Variants in RER1 observed in about 807,000 individuals in gnomAD.
The protein encoded by RER1 is retention in endoplasmic reticulum sorting receptor 1.
In RER1, 6 loss-of-function variants were observed where a neutral mutation model predicts 28.3. The ratio of observed to expected loss-of-function variants is 0.21; its 90% CI spans 0.12 to 0.42. The LOEUF is 0.42. Among genes scored for constraint, RER1 ranks in the 10% least tolerant of loss-of-function variants. The probability of loss-of-function intolerance (pLI) is 1.00; values close to 1 mark genes in which losing one functional copy is unlikely to be tolerated. For synonymous variants in RER1, 110 were observed against 95.9 expected (o/e 1.15, Z -0.86); for missense variants, 159 against 252.9 (o/e 0.63, Z 2.52).
At position 2,402,194 on chromosome 1, in the gene RER1, TC is replaced by T. The variant is rs773255297; in HGVS notation, c.366-9del. 6.8e-6 allele frequency: 11 copies of T among 1,613,964 alleles called. No individual in the cohort carries two copies. The highest frequency in any genetic ancestry group is 9.3e-6 in the Non-Finnish European group (11 of 1,180,026). On this transcript the variant is annotated splice_polypyrimidine_tract_variant and intron_variant, in intron 5 of 6. Coordinates refer to ENST00000605895, the MANE Select transcript of RER1 (RefSeq NM_007033.5). ...CTGCAGATGCGGCGCTAACCTTCTC[TC>T]CCCACTTGAAGGCATGCGGCTACCA... is the stretch of plus-strand genomic sequence containing the variant.
Position 2,391,900 on chromosome 1 carries a change from C to T in RER1, c.-66C>T, listed in dbSNP as rs1370467891. On this transcript the variant is annotated 5_prime_UTR_variant, in exon 1 of 7. Transcript: ENST00000605895. ...AGCGCCTGCGGCCGCCCGTGCCCCGCCGTCCTCCTTCCCGCGGCCGTGAGG... is the reference window on the plus strand; with the variant it reads ...AGCGCCTGCGGCCGCCCGTGCCCCGTCGTCCTCCTTCCCGCGGCCGTGAGG... 1 of 224,158 alleles carries T rather than the reference C, an allele frequency of 4.5e-6. No homozygotes were observed. The highest frequency in any genetic ancestry group is 1.8e-4 in the South Asian group (1 of 5,496). The allele number at this position is 224,158 out of a possible 1,614,324, so 13.9% of individuals were successfully genotyped here.
chr1:2,399,727 A>C (rs1052970821), intron 4 of RER1, among the ~76,000 whole-genome samples: 3 of 152,216 alleles, frequency 2.0e-5, no homozygotes, highest in African/African-American at 7.2e-5. Context: ...CCCACTTTGC[A>C]GATGAGGAAA....
At chr1:2,400,481 C>A (rs1312709285) in intron 4 of RER1, among the ~76,000 whole-genome samples, 1 of 152,214 alleles carries the variant, frequency 6.6e-6, no homozygotes, top group South Asian at 2.1e-4. Flanking sequence ...GGCCTGGCGC[C>A]CGGGTTCCAC....
At chr1:2,399,637 T>C (rs1235889495) in intron 4 of RER1, 123 bp downstream of exon 4, 2 of 672,718 alleles carry the variant, frequency 3.0e-6, no homozygotes, top group Non-Finnish European at 5.4e-6. Context: ...GTACTTGTAA[T>C]GTTGGGTGAT....
At chr1:2,401,555 C>T (rs555600250) in intron 5 of RER1, among the ~76,000 whole-genome samples, 140 of 150,990 alleles carry the variant, frequency 9.3e-4, no homozygotes, top group African/African-American at 3.3e-3. Context: ...GTGGTGCAGC[C>T]GTCAGAGGGA....
chr1:2,401,291 TC>T (rs1398179930), intron 5 of RER1, among the ~76,000 whole-genome samples: 4 of 68,964 alleles, frequency 5.8e-5, no homozygotes, highest in Non-Finnish European at 2.8e-5. Context: ...TCCTCCTTCC[TC>T]CCTCCTTCCT....
rs765859322 is a variant in RER1 at position 2,399,429 on chromosome 1, G to A, written c.201G>A (p.Val67=). 1 of 1,609,524 alleles carries A rather than the reference G, an allele frequency of 6.2e-7. No homozygotes were observed. Among genetic ancestry groups the A allele is most frequent in the South Asian group, 1.1e-5 (1 of 90,968 alleles). Reference sequence around the variant, plus strand: ...TTCTCTTTCAGGGTTGGTACATTGTGACCTATGCCTTGGGGATCTACCATC... The same window carrying A: ...TTCTCTTTCAGGGTTGGTACATTGTAACCTATGCCTTGGGGATCTACCATC... The part of the protein sequence containing the change: ...RVYLLQGWYI[V]TYALGIYHLN... The change falls in exon 4 of 7, where the codon GTG becomes GTA. Residue 67 remains valine, a synonymous_variant. Coordinates refer to ENST00000605895, the MANE Select transcript of RER1 (RefSeq NM_007033.5).
intron 1 of RER1, chr1:2,394,939 C>T (rs908231687): frequency 4.6e-5 from 7 of 152,222 alleles, no homozygotes; most frequent in African/African-American, 9.7e-5. Context: ...CAGGTCCTGA[C>T]GCCGTCTCCT....
intron 1 of RER1, among the ~76,000 whole-genome samples, chr1:2,393,474 G>C (rs962562138): frequency 6.6e-6 from 1 of 152,202 alleles, no homozygotes; most frequent in Non-Finnish European, 1.5e-5. Context: ...ACTGAGCAGA[G>C]AAGAGGACTG....
chr1:2,397,167 G>C lies in RER1; in HGVS notation c.133G>C (p.Val45Leu). ...KSTPYTAVRW[V>L]VTLGLSFVYM... Reference sequence around the variant, plus strand: ...CACACCCTACACGGCTGTGCGATGGGTCGTGACACTGGGCCTGAGCTTTGT... The same window carrying C: ...CACACCCTACACGGCTGTGCGATGGCTCGTGACACTGGGCCTGAGCTTTGT... The change falls in exon 3 of 7, where the codon GTC becomes CTC. Residue 45 changes from valine (V) to leucine (L), a missense_variant. Physicochemically the swap from Val to Leu is conservative, Grantham distance 32 (BLOSUM62 1). Transcript: ENST00000605895. 1 of 1,614,098 alleles carries C rather than the reference G, an allele frequency of 6.2e-7. No homozygotes were observed. Among genetic ancestry groups the C allele is most frequent in the Non-Finnish European group, 8.5e-7 (1 of 1,179,974 alleles).
chr1:2,402,497 T>C (rs1642881200), intron 6 of RER1, among the ~76,000 whole-genome samples, 155 bp downstream of exon 6: 1 of 45,720 alleles, frequency 2.2e-5, no homozygotes, highest in South Asian at 6.8e-4. Flanking sequence ...ACGAGGACAC[T>C]GCTCCGTTCC....
At chr1:2,402,484 G>C in intron 6 of RER1, 142 bp downstream of exon 6, 1 of 1,108,774 alleles carries the variant, frequency 9.0e-7, no homozygotes. Flanking sequence ...CGTCTTGTGT[G>C]TGACGAGGAC....
At chr1:2,395,993 A>G (rs1162663404) in intron 2 of RER1, 122 bp downstream of exon 2, 8 of 776,006 alleles carry the variant, frequency 1.0e-5, no homozygotes, top group African/African-American at 5.1e-5. Context: ...CTCAGGCTCA[A>G]ACTTCCTGAA....
rs180808809 is a variant in RER1, at chr1:2,392,510, T to A, written c.-8+552T>A. ...AAAATCATAAATTCTCCAGGCTGAC[T>A]TAGTACTGGTCTGTGGCCCCACTGA... On this transcript the variant is annotated intron_variant, in intron 1 of 6. Coordinates refer to ENST00000605895, the MANE Select transcript of RER1 (RefSeq NM_007033.5). Among the ~76,000 whole-genome samples, 9 of 152,356 alleles carry A rather than the reference T, an allele frequency of 5.9e-5. No individual in the cohort carries two copies. The East Asian group carries it at 1.5e-3, about 26-fold the overall frequency.
In RER1 at chr1:2,397,004, T is replaced by A. The variant is rs186265676; in HGVS notation, c.82-112T>A. On this transcript the variant is annotated intron_variant, in intron 2 of 6. Transcript: ENST00000605895. ...ATCTCTTGCTATTTTAACTCACTCT[T>A]TTAGCTGTTTTAAAAATTGAAAGCC... is the stretch of plus-strand genomic sequence containing the variant. 32 of 638,226 alleles carry A rather than the reference T, an allele frequency of 5.0e-5. No homozygotes were observed. In the Admixed American group the frequency reaches 6.2e-4, roughly 12 times the overall value. 39.5% of individuals were successfully genotyped at this position (638,226 alleles called of 1,614,324 possible).
At chr1:2,392,497 TC>T (rs1222377184) in intron 1 of RER1, among the ~76,000 whole-genome samples, 1 of 152,178 alleles carries the variant, frequency 6.6e-6, no homozygotes, top group African/African-American at 2.4e-5. Context: ...AATCATAAAT[TC>T]TCCAGGCTGA....
At chr1:2,395,500 G>A (rs1642756212) in intron 1 of RER1, 1 of 414,110 alleles carries the variant, frequency 2.4e-6, no homozygotes, top group Non-Finnish European at 4.5e-6. Context: ...CCTGGGGCCA[G>A]TGGGGTGGAC....
chr1:2,392,309 G>T (rs1018975102), intron 1 of RER1, among the ~76,000 whole-genome samples: 1 of 152,182 alleles, frequency 6.6e-6, no homozygotes, highest in Non-Finnish European at 1.5e-5. Flanking sequence ...GGCAGTCGCG[G>T]CCCCCACAGC....
chr1:2,402,044 A>T, intron 5 of RER1, 163 bp from the exon 6 acceptor site: 1 of 1,558,334 alleles, frequency 6.4e-7, no homozygotes, highest in Non-Finnish European at 8.7e-7. Flanking sequence ...TGTGAGCTAC[A>T]TGCAAAGGGT....
Sources: gnomAD v4.1 joint callset for allele counts (sites outside exome capture counted in the v4.1 genomes callset) on GRCh38, gnomAD v4.1.1 for gene constraint, MANE v1.5 for transcripts, NCBI Gene and HGNC (gene_info 2026-07-23, HGNC 2026-07-21) for gene names.